The following MINK1 variants were observed in gnomAD, a reference collection of about 807,000 sequenced individuals.
MINK1 encodes misshapen-like kinase 1.
A neutral mutation model predicts 178.4 loss-of-function variants in MINK1; 46 were observed. The ratio of observed to expected loss-of-function variants is 0.26; its 90% CI spans 0.20 to 0.33. The LOEUF (loss-of-function observed/expected upper bound fraction) is 0.33. MINK1 is among the 10% of genes least tolerant of loss of function. The pLI is 1.00. For missense variants in MINK1, 1,366 were observed against 1,814.9 expected (o/e 0.75, Z 4.49); for synonymous variants, 797 against 709.7 (o/e 1.12, Z -1.96).
At chr17:4,874,043 A>C (rs890378986) in intron 1 of MINK1, among the ~76,000 whole-genome samples, 1 of 152,178 alleles carries the variant, frequency 6.6e-6, no homozygotes, top group African/African-American at 2.4e-5. Context: ...CCCCTCTCCC[A>C]TGCTCTTTCC....
Position 4,884,983 on chromosome 17 carries a change from G to A in MINK1, c.489G>A (p.Glu163=), listed in dbSNP as rs201238739. ...DIKGQNVLLT[E]NAEVKLVDFG... ...AGGGGCAGAATGTGCTGCTGACAGA[G>A]AATGCTGAGGTCAAGCTAGGTGCGC... Residue 163 remains glutamate (E), a synonymous_variant, in exon 6 of 32, where the codon GAG becomes GAA. Transcript: ENST00000355280. The A allele has an allele frequency of 3.1e-6, 5 of 1,613,944 alleles. No individual in the cohort carries two copies. In the East Asian group the frequency reaches 1.1e-4, roughly 36 times the overall value.
chr17:4,897,476 A>C lies in MINK1; in HGVS notation c.*189A>C. On this transcript the variant is annotated 3_prime_UTR_variant, in exon 32 of 32. Transcript: ENST00000355280. ...TCACGTGACCATCCTCTTCCCCAAC[A>C]TGTCCTCTTCCCAAAACTGTGCCTG... The C allele has an allele frequency of 3.4e-5, 19 of 553,522 alleles. No homozygotes were observed. Among genetic ancestry groups the C allele is most frequent in the East Asian group, 1.6e-4 (5 of 31,636 alleles). 34.3% of individuals were successfully genotyped at this position (553,522 alleles called of 1,614,324 possible).
At position 4,895,794 on chromosome 17, in the gene MINK1, C is replaced by T; in HGVS notation, c.3326C>T (p.Thr1109Ile). ...GTGGAGAAGAAGCAGGGCTGGACCA[C>T]CGTGGGGGACATGGAGGGCTGCGGG... ...PEVEKKQGWT[T>I]VGDMEGCGHY... Residue 1109 changes from threonine (T) to isoleucine (I), a missense_variant, in exon 27 of 32, where the codon ACC becomes ATC. By Grantham distance (89) the Thr-to-Ile change is moderately conservative. Coordinates refer to ENST00000355280, the MANE Select transcript of MINK1 (RefSeq NM_153827.5). This position sits in a 1 kb window ranked among gnomAD's most constrained non-coding sequence, Gnocchi z 4.3. 1 of 1,613,784 alleles carries T rather than the reference C, an allele frequency of 6.2e-7. No individual in the cohort carries two copies. The highest frequency in any genetic ancestry group is 8.5e-7 in the Non-Finnish European group (1 of 1,179,826).
At chr17:4,848,655 TG>T (rs1347371942) in intron 1 of MINK1, among the ~76,000 whole-genome samples, 4 of 151,246 alleles carry the variant, frequency 2.6e-5, no homozygotes, top group Non-Finnish European at 5.9e-5. Flanking sequence ...CCACCGCGCC[TG>T]GCCTCGTTTT....
intron 1 of MINK1, among the ~76,000 whole-genome samples, chr17:4,846,257 C>G (rs1178344041): frequency 1.3e-5 from 2 of 152,194 alleles, no homozygotes; most frequent in African/African-American, 2.4e-5. Flanking sequence ...ACAATAGTGT[C>G]AGATTGGAAG....
rs773518266 is a variant in MINK1, at chr17:4,895,770, T to C, written c.3302T>C (p.Val1101Ala). Residue 1101 changes from valine (V) to alanine (A), a missense_variant, in exon 27 of 32, where the codon GTG becomes GCG. Coordinates refer to ENST00000355280, the MANE Select transcript of MINK1 (RefSeq NM_153827.5). This position sits in a 1 kb window ranked among gnomAD's most constrained non-coding sequence, Gnocchi z 4.3. ...RNKILHNDPE[V>A]EKKQGWTTVG... ...AAGATTCTGCACAATGACCCAGAAG[T>C]GGAGAAGAAGCAGGGCTGGACCACC... 12 of 1,613,634 alleles carry C rather than the reference T, an allele frequency of 7.4e-6. No individual in the cohort carries two copies. The highest frequency in any genetic ancestry group is 1.0e-5 in the Non-Finnish European group (12 of 1,179,762).
chr17:4,848,378 T>C (rs1401787928), intron 1 of MINK1, among the ~76,000 whole-genome samples: 1 of 152,236 alleles, frequency 6.6e-6, no homozygotes. Context: ...GGGTATTTTT[T>C]GAGACGGAGT....
At chr17:4,877,620 TG>T (rs1261721649) in intron 1 of MINK1, among the ~76,000 whole-genome samples, 1 of 152,078 alleles carries the variant, frequency 6.6e-6, no homozygotes, top group Non-Finnish European at 1.5e-5. Flanking sequence ...CACGCTCTGA[TG>T]CCAGGAACCA....
At chr17:4,842,206 A>G (rs1443951383) in intron 1 of MINK1, among the ~76,000 whole-genome samples, 1 of 140,082 alleles carries the variant, frequency 7.1e-6, no homozygotes, top group Non-Finnish European at 1.5e-5. Context: ...CCTGGGCGAC[A>G]GAGCGAGACT....
chr17:4,877,163 T>C (rs928765840), intron 1 of MINK1, among the ~76,000 whole-genome samples: 1 of 151,772 alleles, frequency 6.6e-6, no homozygotes, highest in Non-Finnish European at 1.5e-5. Context: ...GTATCTCTCT[T>C]CAGCTTGCAG....
At position 4,886,972 on chromosome 17, in the gene MINK1, C is replaced by G; in HGVS notation, c.950-138C>G. ...CCCACACCTGAGACCCGCTGTCCTC[C>G]CATTGCCCCCAGGAAGTGGGTGGGG... On this transcript the variant is annotated intron_variant, in intron 10 of 31. Coordinates refer to ENST00000355280, the MANE Select transcript of MINK1 (RefSeq NM_153827.5). The surrounding 1 kb of genome is among the most constrained non-coding windows in gnomAD (Gnocchi z 6.1). 1 of 795,848 alleles carries G rather than the reference C, an allele frequency of 1.3e-6. No individual in the cohort carries two copies. Among genetic ancestry groups the G allele is most frequent in the Middle Eastern group, 2.8e-4 (1 of 3,606 alleles). 49.3% of individuals were successfully genotyped at this position (795,848 alleles called of 1,614,324 possible).
chr17:4,850,868 G>A (rs1355163397), intron 1 of MINK1: 2 of 331,868 alleles, frequency 6.0e-6, no homozygotes, highest in African/African-American at 2.2e-5. Flanking sequence ...GTCCTCCTCC[G>A]TTAGCTTGGT....
chr17:4,888,690 CTTTTTTT>C (rs35392409), intron 12 of MINK1, among the ~76,000 whole-genome samples: 1 of 87,884 alleles, frequency 1.1e-5, no homozygotes, highest in Non-Finnish European at 2.3e-5. Context: ...AAAGTCCTAT[CTTTTTTT>C]TTTTTTTTTT....
At chr17:4,891,165 A>C in intron 15 of MINK1, 41 bp downstream of exon 15, 1 of 1,455,086 alleles carries the variant, frequency 6.9e-7, no homozygotes, top group Non-Finnish European at 9.1e-7. Context: ...AGACACAGGG[A>C]GCTTTGTTCA....
At chr17:4,883,268 G>C (rs1597519459) in intron 4 of MINK1, 2 of 146,376 alleles carry the variant, frequency 1.4e-5, no homozygotes, top group Admixed American at 6.8e-5. Context: ...GCAGCGGCGC[G>C]ATCTCGGCTC....
chr17:4,891,822 C>G, intron 16 of MINK1, 106 bp downstream of exon 16: 1 of 1,417,150 alleles, frequency 7.1e-7, no homozygotes, highest in Non-Finnish European at 9.3e-7. Flanking sequence ...GGGCGGGAAG[C>G]GAGAGAAAGC....
intron 1 of MINK1, among the ~76,000 whole-genome samples, chr17:4,867,973 T>C (rs1915289494): frequency 8.2e-6 from 1 of 122,596 alleles, no homozygotes; most frequent in African/African-American, 2.9e-5. Context: ...TTCTAGCTCT[T>C]TTTTTTTTTT....
chr17:4,875,056 A>G (rs1185863436), intron 1 of MINK1: 2 of 520,084 alleles, frequency 3.8e-6, no homozygotes, highest in Non-Finnish European at 7.7e-6. Context: ...CCTCCTTCTC[A>G]GAAAGAGCTA....
rs778588134 is a variant in MINK1 at position 4,886,835 on chromosome 17, G to A, written c.949+209G>A. ...TGAATCAGCCTTCCAAAGGAGGACC[G>A]GCCTTTCGCATCCTTACAAAAACTC... On this transcript the variant is annotated intron_variant, in intron 10 of 31. Transcript: ENST00000355280. This position sits in a 1 kb window ranked among gnomAD's most constrained non-coding sequence, Gnocchi z 6.1. Among the ~76,000 whole-genome samples the A allele has an allele frequency of 2.1e-4, 32 of 152,202 alleles. No homozygotes were observed. In the East Asian group the frequency reaches 4.0e-3, roughly 19 times the overall value.
Sources: gnomAD v4.1 joint callset for allele counts (sites outside exome capture counted in the v4.1 genomes callset) on GRCh38, gnomAD v4.1.1 for gene constraint, Gnocchi (gnomAD v3.1) non-coding constraint, MANE v1.5 for transcripts, NCBI Gene and HGNC (gene_info 2026-07-23, HGNC 2026-07-21) for gene names.